Variants in ITGBL1 observed in about 807,000 individuals in gnomAD.
ITGBL1 encodes integrin beta-like protein 1.
ITGBL1 carries 51 observed loss-of-function variants against 68.5 expected under a neutral mutation model. That is an observed-to-expected ratio of 0.74 (90% CI 0.59 to 0.94). The LOEUF (loss-of-function observed/expected upper bound fraction) is 0.94, where lower values mean the gene tolerates loss of function less well. Among genes scored for constraint, ITGBL1 ranks in the 40% least tolerant of loss-of-function variants. ITGBL1 has a pLI of 0.00. For missense variants in ITGBL1, 649 were observed against 647.4 expected (o/e 1.00, Z -0.03); for synonymous variants, 209 against 227.3 (o/e 0.92, Z 0.72).
At chr13:101,593,168 A>C (rs1017932649) in intron 6 of ITGBL1, among the ~76,000 whole-genome samples, 4 of 152,084 alleles carry the variant, frequency 2.6e-5, no homozygotes, top group African/African-American at 9.7e-5. Flanking sequence ...AAGATCACTA[A>C]TTGTCAGGGA....
At chr13:101,564,228 T>G (rs2050145208) in intron 2 of ITGBL1, among the ~76,000 whole-genome samples, 1 of 152,002 alleles carries the variant, frequency 6.6e-6, no homozygotes, top group Admixed American at 6.6e-5. Flanking sequence ...CTCAGAATAC[T>G]TGATTTCCAT....
At chr13:101,623,994 G>C (rs2031682622) in intron 7 of ITGBL1, among the ~76,000 whole-genome samples, 1 of 152,152 alleles carries the variant, frequency 6.6e-6, no homozygotes, top group Non-Finnish European at 1.5e-5. Context: ...CCCCCACCCA[G>C]TTTACAATGT....
At chr13:101,558,628 C>CAAGGG (rs2050050424) in intron 2 of ITGBL1, among the ~76,000 whole-genome samples, 1 of 152,146 alleles carries the variant, frequency 6.6e-6, no homozygotes, top group East Asian at 1.9e-4. Context: ...ATCATGGATT[C>CAAGGG]TCTGGTAGGG....
intron 2 of ITGBL1, among the ~76,000 whole-genome samples, chr13:101,553,488 G>A (rs1290163443): frequency 6.6e-6 from 1 of 152,134 alleles, no homozygotes; most frequent in African/African-American, 2.4e-5. Context: ...AATTTTTGAA[G>A]ACTGTACCTT....
intron 7 of ITGBL1, among the ~76,000 whole-genome samples, chr13:101,604,881 T>TACACACACAC (rs1292236214): frequency 2.5e-3 from 35 of 14,260 alleles, no homozygotes; most frequent in African/African-American, 5.5e-3. Context: ...TATATATATA[T>TACACACACAC]ATATATACAC....
intron 2 of ITGBL1, among the ~76,000 whole-genome samples, chr13:101,495,384 A>G (rs916899436): frequency 1.9e-4 from 29 of 152,110 alleles, no homozygotes; most frequent in African/African-American, 6.5e-4. Context: ...TATTCCACAG[A>G]CAGACACACG....
intron 2 of ITGBL1, among the ~76,000 whole-genome samples, chr13:101,549,243 A>T (rs931285837): frequency 1.7e-4 from 26 of 151,994 alleles, no homozygotes; most frequent in African/African-American, 6.0e-4. Flanking sequence ...TGGACATACG[A>T]TAACCATATT....
intron 7 of ITGBL1, among the ~76,000 whole-genome samples, chr13:101,659,819 G>A (rs1295513621): frequency 6.6e-6 from 1 of 152,136 alleles, no homozygotes; most frequent in East Asian, 1.9e-4. Context: ...ATGTGTGTAG[G>A]AGTGCAGATG....
intron 4 of ITGBL1, among the ~76,000 whole-genome samples, chr13:101,577,807 G>A (rs1290747382): frequency 6.6e-6 from 1 of 152,002 alleles, no homozygotes; most frequent in African/African-American, 2.4e-5. Context: ...ATTTGTGTGT[G>A]CAAGTAGACA....
chr13:101,641,613 C>G (rs188292884), intron 7 of ITGBL1, among the ~76,000 whole-genome samples: 1 of 148,726 alleles, frequency 6.7e-6, no homozygotes, highest in African/African-American at 2.5e-5. Flanking sequence ...GCACAATGTG[C>G]AGGTTTGTTA....
rs530645037 is a variant in ITGBL1 at position 101,491,100 on chromosome 13, A to G, written c.316+37000A>G. 3.3e-5 allele frequency among the ~76,000 whole-genome samples: 5 copies of G among 152,324 alleles called. No individual in the cohort carries two copies. In the East Asian group the frequency reaches 9.6e-4, roughly 29 times the overall value. ...CAATATAATTTGTAAGTGCTTATATATCTCCAACCTGTAACTATGTAAATT... is the reference window on the plus strand; with the variant it reads ...CAATATAATTTGTAAGTGCTTATATGTCTCCAACCTGTAACTATGTAAATT... On this transcript the variant is annotated intron_variant, in intron 2 of 10. Transcript: ENST00000376180.
Position 101,579,362 on chromosome 13 carries a change from A to G in ITGBL1, c.662A>G (p.Asp221Gly), listed in dbSNP as rs757716686. 3.7e-6 allele frequency: 6 copies of G among 1,613,940 alleles called. No individual in the cohort carries two copies. In the Admixed American group the frequency reaches 6.7e-5, roughly 18 times the overall value. The change falls in exon 5 of 11, where the codon GAT becomes GGT. Residue 221 changes from aspartate to glycine, a missense_variant. Physicochemically the swap from Asp to Gly is moderately conservative, Grantham distance 94. Coordinates refer to ENST00000376180, the MANE Select transcript of ITGBL1 (RefSeq NM_004791.3). ...GGAGATAAATGTGAATTCCAGTGCGATATCACCCCCTGGGAAAGCAAGCGA... is the reference window on the plus strand; with the variant it reads ...GGAGATAAATGTGAATTCCAGTGCGGTATCACCCCCTGGGAAAGCAAGCGA... ...WHGDKCEFQC[D>G]ITPWESKRRC...
intron 7 of ITGBL1, among the ~76,000 whole-genome samples, chr13:101,633,756 G>C (rs1184023217): frequency 6.6e-6 from 1 of 152,082 alleles, no homozygotes; most frequent in East Asian, 1.9e-4. Context: ...AGACTTTGGG[G>C]TTATTATTGT....
chr13:101,629,935 G>A (rs1033528219), intron 7 of ITGBL1, among the ~76,000 whole-genome samples: 2 of 152,112 alleles, frequency 1.3e-5, no homozygotes, highest in Non-Finnish European at 2.9e-5. Flanking sequence ...CAATTCTCCT[G>A]CCTCAGCCTC....
At chr13:101,678,041 T>C (rs1333251373) in intron 7 of ITGBL1, among the ~76,000 whole-genome samples, 1 of 152,216 alleles carries the variant, frequency 6.6e-6, no homozygotes, top group Non-Finnish European at 1.5e-5. Context: ...GTTTTACTTA[T>C]GTATTTTTAA....
At chr13:101,464,580 A>G (rs146355890) in intron 2 of ITGBL1, among the ~76,000 whole-genome samples, 1 of 152,094 alleles carries the variant, frequency 6.6e-6, no homozygotes, top group Admixed American at 6.5e-5. Flanking sequence ...TATATTATTT[A>G]TGCTTGTATA....
intron 9 of ITGBL1, among the ~76,000 whole-genome samples, chr13:101,708,747 G>A (rs1421332604): frequency 2.6e-5 from 4 of 152,226 alleles, no homozygotes; most frequent in Non-Finnish European, 4.4e-5. Flanking sequence ...TTCAATAGAT[G>A]ACAGTGTCCT....
chr13:101,583,531 T>C (rs1000071528), intron 6 of ITGBL1, among the ~76,000 whole-genome samples, 175 bp downstream of exon 6: 5 of 152,058 alleles, frequency 3.3e-5, no homozygotes, highest in African/African-American at 9.7e-5. Flanking sequence ...AAGAGTATAA[T>C]TGGATTGTTT....
intron 7 of ITGBL1, among the ~76,000 whole-genome samples, chr13:101,617,059 A>G (rs191121118): frequency 1.0e-3 from 154 of 152,328 alleles, no homozygotes; most frequent in Non-Finnish European, 1.9e-3. Flanking sequence ...CAAAGGTGGC[A>G]GTGATTTAGA....
Sources: gnomAD v4.1 joint callset for allele counts (sites outside exome capture counted in the v4.1 genomes callset) on GRCh38, gnomAD v4.1.1 for gene constraint, MANE v1.5 for transcripts, NCBI Gene and HGNC (gene_info 2026-07-23, HGNC 2026-07-21) for gene names.